MAPK10: variants seen among roughly 807,000 people sequenced by gnomAD.
MAPK10 encodes the protein JNK3 alpha protein kinase.
Under a neutral mutation model 59.3 loss-of-function variants are expected in MAPK10, and 25 were observed. That is an observed-to-expected ratio of 0.42 (90% CI 0.31 to 0.59). The LOEUF (loss-of-function observed/expected upper bound fraction) is 0.59. Ranked by LOEUF, MAPK10 falls within the 20% of genes least tolerant of loss-of-function variation. MAPK10 has a pLI of 0.15. For synonymous variants in MAPK10, 190 were observed against 200.5 expected, an observed-to-expected ratio of 0.95 and a Z score of 0.44; for missense variants, 351 against 568.9, an observed-to-expected ratio of 0.62 and a Z score of 3.90.
intron 2 of MAPK10, among the ~76,000 whole-genome samples, chr4:86,303,765 T>C (rs1434958252): frequency 6.6e-6 from 1 of 152,234 alleles, no homozygotes; most frequent in East Asian, 1.9e-4. Context: ...AAATATTTTA[T>C]TTGACTTACA....
chr4:86,359,688 C>T lies in MAPK10; in HGVS notation c.-152G>A. The T allele has an allele frequency of 1.0e-6, 1 of 985,836 alleles. No homozygotes were observed. The highest frequency in any genetic ancestry group is 4.7e-5 in the South Asian group (1 of 21,280). 61.1% of individuals were successfully genotyped at this position (985,836 alleles called of 1,614,324 possible). On this transcript the variant is annotated 5_prime_UTR_variant, in exon 1 of 14. Coordinates refer to ENST00000641462, the MANE Select transcript of MAPK10 (RefSeq NM_138982.4). The stretch of plus-strand genomic sequence containing the variant: ...CGTGCCTGAGAACTACGATCCTGAT[C>T]CGGCAGTGTTTGCCCCAGAAATCCT...
intron 1 of MAPK10, among the ~76,000 whole-genome samples, chr4:86,587,500 A>T (rs1246164486): frequency 2.6e-5 from 4 of 152,178 alleles, no homozygotes; most frequent in Non-Finnish European, 5.9e-5. Context: ...GCACTGTCAG[A>T]ATTTGTGCTT....
intron 11 of MAPK10, among the ~76,000 whole-genome samples, chr4:86,043,244 A>G (rs1170310240): frequency 1.3e-5 from 2 of 152,188 alleles, no homozygotes; most frequent in African/African-American, 4.8e-5. Flanking sequence ...GAGATGCACA[A>G]TTCTAAGGGA....
intron 1 of MAPK10, among the ~76,000 whole-genome samples, chr4:86,377,155 G>T (rs1739947701): frequency 6.6e-6 from 1 of 152,180 alleles, no homozygotes; most frequent in African/African-American, 2.4e-5. Context: ...AGTCTTGCCA[G>T]TGCTTAAGAT....
At chr4:86,496,795 C>T (rs1478830921) in intron 1 of MAPK10, among the ~76,000 whole-genome samples, 10 of 151,348 alleles carry the variant, frequency 6.6e-5, no homozygotes, top group African/African-American at 2.4e-4. Context: ...ATATTTAATT[C>T]CCCCCCCACC....
At chr4:86,102,077 A>T in intron 6 of MAPK10, 45 bp from the exon 7 acceptor site, 2 of 1,579,512 alleles carry the variant, frequency 1.3e-6, no homozygotes, top group Non-Finnish European at 1.7e-6. Context: ...CACAAGATCT[A>T]TGAAGTCCTT....
chr4:86,110,670 G>A (rs1429730171), intron 4 of MAPK10, among the ~76,000 whole-genome samples: 3 of 152,084 alleles, frequency 2.0e-5, no homozygotes, highest in Admixed American at 6.5e-5. Context: ...GTAGTATGAT[G>A]TCTCCAGCTT....
At chr4:86,225,562 G>A (rs930468945) in intron 2 of MAPK10, among the ~76,000 whole-genome samples, 1 of 152,108 alleles carries the variant, frequency 6.6e-6, no homozygotes, top group Non-Finnish European at 1.5e-5. Context: ...AACTGCGAAT[G>A]TAACTCTATA....
chr4:86,241,122 T>C (rs903988848), intron 2 of MAPK10, among the ~76,000 whole-genome samples: 2 of 152,238 alleles, frequency 1.3e-5, no homozygotes, highest in African/African-American at 2.4e-5. Flanking sequence ...TATGAAATTC[T>C]GGGTTGAAAA....
At chr4:86,511,084 TC>T (rs1419173735) in intron 1 of MAPK10, among the ~76,000 whole-genome samples, 1 of 152,238 alleles carries the variant, frequency 6.6e-6, no homozygotes, top group Non-Finnish European at 1.5e-5. Flanking sequence ...GTGATGGATA[TC>T]CCAGGTACCC....
chr4:86,313,577 G>A (rs913666699), intron 2 of MAPK10, among the ~76,000 whole-genome samples: 3 of 151,994 alleles, frequency 2.0e-5, no homozygotes, highest in African/African-American at 7.2e-5. Context: ...ACTTCACAAA[G>A]GAAGACATCC....
At chr4:86,459,879 TA>T (rs1751574251) in intron 1 of MAPK10, among the ~76,000 whole-genome samples, 1 of 152,234 alleles carries the variant, frequency 6.6e-6, no homozygotes, top group African/African-American at 2.4e-5. Flanking sequence ...CTTACTCATG[TA>T]ACCAAACACC....
At chr4:86,211,741 A>G (rs2085871828) in intron 2 of MAPK10, among the ~76,000 whole-genome samples, 2 of 152,150 alleles carry the variant, frequency 1.3e-5, no homozygotes, top group Admixed American at 6.5e-5. Flanking sequence ...TAATGCACTG[A>G]GAAGAACTGC....
At chr4:86,207,038 C>T (rs915748251) in intron 2 of MAPK10, among the ~76,000 whole-genome samples, 3 of 151,656 alleles carry the variant, frequency 2.0e-5, no homozygotes, top group African/African-American at 4.9e-5. Flanking sequence ...TGTGCAGAAG[C>T]TCTTTAGTTT....
In MAPK10 at chr4:86,035,734, C is replaced by A. The variant is rs143783476; in HGVS notation, c.1111-4303G>T. 6.6e-5 allele frequency among the ~76,000 whole-genome samples: 10 copies of A among 152,140 alleles called. 1 individual carries two copies. The highest frequency in any genetic ancestry group is 2.2e-4 in the African/African-American group (9 of 41,488). ...TAAGCTGAGTACCTGGGAAGATGAT[C>A]GTGTTGGTGAAGCCATCTAAAGAAA... On this transcript the variant is annotated intron_variant, in intron 11 of 13. Transcript: ENST00000641462.
rs563812423 is a variant in MAPK10, at chr4:86,102,236, T to C, written c.426-204A>G. ...AAAGGTTGCTAGTAGAAAAAGCATT[T>C]ATTAATGTCTGGTTCATGTCCACAG... On this transcript the variant is annotated intron_variant, in intron 6 of 13. Transcript: ENST00000641462. 68 of 464,924 alleles carry C rather than the reference T, an allele frequency of 1.5e-4. 1 individual carries two copies. In the South Asian group the frequency reaches 2.0e-3, roughly 13 times the overall value. The allele number at this position is 464,924 out of a possible 1,614,324, so 28.8% of individuals were successfully genotyped here.
chr4:86,520,022 ATGC>A (rs1452815300), intron 1 of MAPK10, among the ~76,000 whole-genome samples: 2 of 152,182 alleles, frequency 1.3e-5, no homozygotes, highest in African/African-American at 4.8e-5. Context: ...AAGTTACCTG[ATGC>A]TTTTGCCTCA....
intron 2 of MAPK10, among the ~76,000 whole-genome samples, chr4:86,207,399 G>T (rs1215380835): frequency 6.6e-5 from 10 of 152,052 alleles, no homozygotes. Context: ...CTGTTCCGTT[G>T]ATCAATATCT....
At chr4:86,559,363 A>T (rs534587132) in intron 1 of MAPK10, among the ~76,000 whole-genome samples, 1 of 151,720 alleles carries the variant, frequency 6.6e-6, no homozygotes, top group African/African-American at 2.4e-5. Flanking sequence ...CTATTGAGAG[A>T]TATCTCTGTT....
Sources: allele counts gnomAD v4.1 joint callset (sites outside exome capture counted in the v4.1 genomes callset), GRCh38; gene constraint gnomAD v4.1.1; transcripts MANE v1.5; gene names NCBI Gene and HGNC (gene_info 2026-07-23, HGNC 2026-07-21).